The following CDIN1 variants were observed in gnomAD, a reference collection of about 807,000 sequenced individuals.
CDIN1 encodes the protein CDAN1 interacting nuclease 1, also known as CDAN1-interacting nuclease 1.
In CDIN1, 33 loss-of-function variants were observed where a neutral mutation model predicts 45.3. The observed-to-expected ratio is 0.73, with a 90% CI of 0.55 to 0.97. The LOEUF is 0.97. Ranked by LOEUF, CDIN1 falls within the 50% of genes least tolerant of loss-of-function variation. The probability of loss-of-function intolerance (pLI) is 0.00; values close to 1 mark genes in which losing one functional copy is unlikely to be tolerated. For missense variants in CDIN1, 303 were observed against 339.4 expected, an observed-to-expected ratio of 0.89 and a Z score of 0.84; for synonymous variants, 118 against 124.4, an observed-to-expected ratio of 0.95 and a Z score of 0.34.
chr15:36,778,510 C>T (rs574934570), intron 10 of CDIN1, among the ~76,000 whole-genome samples: 3 of 152,292 alleles, frequency 2.0e-5, no homozygotes, highest in African/African-American at 4.8e-5. Context: ...TTGCAATTAT[C>T]CCAGAAAATA....
intron 8 of CDIN1, among the ~76,000 whole-genome samples, chr15:36,701,206 G>A (rs1302929743): frequency 6.6e-6 from 1 of 151,946 alleles, no homozygotes; most frequent in Non-Finnish European, 1.5e-5. Flanking sequence ...AAGGTGTGAC[G>A]AACTTGCTGC....
chr15:36,700,572 G>C (rs781068337), intron 8 of CDIN1, among the ~76,000 whole-genome samples: 1 of 150,882 alleles, frequency 6.6e-6, no homozygotes, highest in Non-Finnish European at 1.5e-5. Flanking sequence ...CTTTCTCACC[G>C]GGACCTTCCT....
At chr15:36,596,451 T>G (rs556710715) in intron 1 of CDIN1, among the ~76,000 whole-genome samples, 10 of 152,254 alleles carry the variant, frequency 6.6e-5, no homozygotes, top group Non-Finnish European at 1.2e-4. Flanking sequence ...AAAGTGGAGT[T>G]TTTCTTAGTT....
chr15:36,715,587 C>T (rs1319036940), intron 10 of CDIN1, among the ~76,000 whole-genome samples: 1 of 152,172 alleles, frequency 6.6e-6, no homozygotes, highest in African/African-American at 2.4e-5. Context: ...GAAGCTCTTG[C>T]AAACCTTTAA....
intron 1 of CDIN1, among the ~76,000 whole-genome samples, chr15:36,599,618 CTAAA>C (rs2038003374): frequency 1.3e-5 from 2 of 152,156 alleles, no homozygotes; most frequent in South Asian, 2.1e-4. Context: ...AGCTTAATGA[CTAAA>C]TTATGTTAAT....
intron 10 of CDIN1, among the ~76,000 whole-genome samples, chr15:36,712,260 CTTTTT>C (rs780494427): frequency 1.3e-5 from 1 of 77,372 alleles, no homozygotes; most frequent in African/African-American, 5.1e-5. Context: ...TAGACTAATG[CTTTTT>C]TTTTTTTTTT....
At chr15:36,632,218 G>A (rs1212328090) in intron 1 of CDIN1, among the ~76,000 whole-genome samples, 1 of 152,114 alleles carries the variant, frequency 6.6e-6, no homozygotes, top group East Asian at 1.9e-4. Context: ...CAATATATGA[G>A]GGTTCCAATT....
chr15:36,709,834 T>C, intron 9 of CDIN1, 22 bp from the exon 10 acceptor site: 1 of 1,582,966 alleles, frequency 6.3e-7, no homozygotes, highest in Non-Finnish European at 8.7e-7. Context: ...TCTCCGTATA[T>C]TAGTAATGCT....
intron 1 of CDIN1, among the ~76,000 whole-genome samples, chr15:36,642,484 G>T (rs753505992): frequency 2.6e-5 from 4 of 152,062 alleles, no homozygotes; most frequent in Non-Finnish European, 5.9e-5. Context: ...TAACCCTCTC[G>T]GCCATAGAAA....
chr15:36,590,413 C>G (rs542541108), intron 1 of CDIN1, among the ~76,000 whole-genome samples: 1 of 151,982 alleles, frequency 6.6e-6, no homozygotes, highest in Non-Finnish European at 1.5e-5. Flanking sequence ...CAAAGCAATT[C>G]GAGTAGAGGA....
chr15:36,778,238 C>A (rs762664441), intron 10 of CDIN1, among the ~76,000 whole-genome samples: 1 of 152,128 alleles, frequency 6.6e-6, no homozygotes, highest in African/African-American at 2.4e-5. Flanking sequence ...CCCACAGATG[C>A]CTCAGATTGG....
At chr15:36,595,190 G>C (rs1238913031) in intron 1 of CDIN1, among the ~76,000 whole-genome samples, 2 of 151,492 alleles carry the variant, frequency 1.3e-5, no homozygotes, top group African/African-American at 4.8e-5. Context: ...TTATAATTAA[G>C]AGAATGTGTG....
intron 5 of CDIN1, among the ~76,000 whole-genome samples, chr15:36,660,379 CA>C (rs879382862): frequency 6.6e-6 from 1 of 151,868 alleles, no homozygotes; most frequent in Admixed American, 6.6e-5. Context: ...AGAAATCAGG[CA>C]AAAAAATCCT....
chr15:36,694,325 A>G (rs934011303), intron 7 of CDIN1, among the ~76,000 whole-genome samples: 3 of 152,298 alleles, frequency 2.0e-5, no homozygotes, highest in Non-Finnish European at 2.9e-5. Flanking sequence ...TTGTTTTTCC[A>G]TGTGAGTAAA....
intron 10 of CDIN1, among the ~76,000 whole-genome samples, chr15:36,765,598 G>A (rs1008982300): frequency 2.0e-5 from 3 of 152,096 alleles, no homozygotes; most frequent in Non-Finnish European, 1.5e-5. Context: ...TAAATGTAAT[G>A]ACGGTTGAAT....
rs189657235 is a variant in CDIN1, at chr15:36,639,471, G to A, written c.102-4807G>A. On this transcript the variant is annotated intron_variant, in intron 1 of 10. Coordinates refer to ENST00000566621, the MANE Select transcript of CDIN1 (RefSeq NM_001321759.2). ...AATACAAAAATTAGCCGGGCGTGGT[G>A]GCAGCTATTCTGGAGGCTGAGACAG... Among the ~76,000 whole-genome samples the A allele has an allele frequency of 2.9e-3, 448 of 152,156 alleles. 4 individuals are homozygous for A. The highest frequency in any genetic ancestry group is 5.0e-3 in the Non-Finnish European group (339 of 68,002).
intron 4 of CDIN1, among the ~76,000 whole-genome samples, chr15:36,655,983 A>G (rs1240056555): frequency 1.3e-5 from 2 of 152,184 alleles, no homozygotes; most frequent in Non-Finnish European, 2.9e-5. Context: ...TAAACCTTTT[A>G]TTTACCATGA....
Position 36,757,870 on chromosome 15 carries a change from G to A in CDIN1, c.716+47909G>A, listed in dbSNP as rs376466848. Among the ~76,000 whole-genome samples the A allele has an allele frequency of 2.2e-4, 33 of 152,234 alleles. 1 individual carries two copies. Among genetic ancestry groups the A allele is most frequent in the African/African-American group, 7.5e-4 (31 of 41,542 alleles). On this transcript the variant is annotated intron_variant, in intron 10 of 10. Transcript: ENST00000566621. ...ATTTTATCATCTCAAATCATCACAGGAAGAGAGTGAGTATAGAACAATAAG... is the reference window on the plus strand; with the variant it reads ...ATTTTATCATCTCAAATCATCACAGAAAGAGAGTGAGTATAGAACAATAAG...
At chr15:36,787,066 G>A (rs1595597847) in intron 10 of CDIN1, among the ~76,000 whole-genome samples, 1 of 152,020 alleles carries the variant, frequency 6.6e-6, no homozygotes, top group Admixed American at 6.6e-5. Flanking sequence ...ACCTGTCTTC[G>A]CATCATTTCC....
Sources: gnomAD v4.1 joint callset for allele counts (sites outside exome capture counted in the v4.1 genomes callset) on GRCh38, gnomAD v4.1.1 for gene constraint, MANE v1.5 for transcripts, NCBI Gene and HGNC (gene_info 2026-07-23, HGNC 2026-07-21) for gene names.